The following ITGB4 variants were observed in gnomAD, a reference collection of about 807,000 sequenced individuals.
ITGB4 encodes the protein integrin subunit beta 4.
In ITGB4, 159 loss-of-function variants were observed where a neutral mutation model predicts 207.6. The observed-to-expected ratio is 0.77, with a 90% CI of 0.67 to 0.87. The LOEUF (loss-of-function observed/expected upper bound fraction) is 0.87. ITGB4 is among the 40% of genes least tolerant of loss of function. The probability of loss-of-function intolerance (pLI) is 0.00; values close to 1 mark genes in which losing one functional copy is unlikely to be tolerated. For missense variants in ITGB4, 2,278 were observed against 2,546.8 expected (o/e 0.89, Z 2.27); for synonymous variants, 1,020 against 1,062.7 (o/e 0.96, Z 0.78).
chr17:75,754,645 C>A lies in ITGB4; in HGVS notation c.4388C>A (p.Thr1463Lys), dbSNP rs372323678. Reference protein sequence around the residue: ...GSTNSLHRMTTTSAAAYGTHL... With the variant: ...GSTNSLHRMTKTSAAAYGTHL... ...ACCAACTCCCTGCACAGGATGACCA[C>A]GACCAGTGCTGCTGCCTATGGCACC... is the stretch of plus-strand genomic sequence containing the variant. The change falls in exon 34 of 40, where the codon ACG becomes AAG. Residue 1463 changes from threonine (T) to lysine (K), a missense_variant. Thr to Lys is a moderately conservative substitution (Grantham distance 78). Transcript: ENST00000200181. 6.2e-7 allele frequency: 1 copy of A among 1,613,936 alleles called. No individual in the cohort carries two copies.
chr17:75,736,645 G>A lies in ITGB4; in HGVS notation c.1941G>A (p.Thr647=), dbSNP rs752631345. Residue 647 remains threonine (T), a synonymous_variant, in exon 16 of 40, where the codon ACG becomes ACA. Coordinates refer to ENST00000200181, the MANE Select transcript of ITGB4 (RefSeq NM_000213.5). ...AWGTGEKKGR[T]CEECNFKVKM... ...GCACCGGCGAGAAGAAGGGGCGCAC[G>A]TGTGAGGAATGCAACTTCAAGGTCA... 1.0e-5 allele frequency: 16 copies of A among 1,600,378 alleles called. No individual in the cohort carries two copies. The highest frequency in any genetic ancestry group is 9.0e-5 in the East Asian group (4 of 44,446).
At position 75,750,638 on chromosome 17, in the gene ITGB4, C is replaced by G. The variant is rs1004965256; in HGVS notation, c.3475-42C>G. On this transcript the variant is annotated intron_variant, in intron 28 of 39. Coordinates refer to ENST00000200181, the MANE Select transcript of ITGB4 (RefSeq NM_000213.5). The surrounding 1 kb of genome is among the most constrained non-coding windows in gnomAD (Gnocchi z 5.5). ...GAGGAGGGACAGGCAGCTTGGGTGC[C>G]TGCTGCTCCCTGCTGACCAGGACCC... The G allele has an allele frequency of 6.3e-7, 1 of 1,588,208 alleles. No homozygotes were observed. The highest frequency in any genetic ancestry group is 1.3e-5 in the African/African-American group (1 of 74,388).
intron 1 of ITGB4, among the ~76,000 whole-genome samples, chr17:75,723,391 C>A (rs1280550327): frequency 1.3e-5 from 2 of 152,224 alleles, no homozygotes; most frequent in African/African-American, 4.8e-5. Context: ...CAGGCCTGTA[C>A]CTGCCTGTGT....
At position 75,737,439 on chromosome 17, in the gene ITGB4, A is replaced by G. The variant is rs56119997; in HGVS notation, c.2108A>G (p.Lys703Arg). ...GPNSTVLVHK[K>R]KDCPPGSFWW... Reference sequence around the variant, plus strand: ...AACAGCACTGTCCTGGTGCACAAGAAGAAGGGTGAGCTGGTGGGGCCGGGC... The same window carrying G: ...AACAGCACTGTCCTGGTGCACAAGAGGAAGGGTGAGCTGGTGGGGCCGGGC... The change falls in exon 17 of 40, where the codon AAG becomes AGG. Residue 703 changes from lysine (K) to arginine (R), a missense_variant. Physicochemically the swap from Lys to Arg is conservative, Grantham distance 26. Coordinates refer to ENST00000200181, the MANE Select transcript of ITGB4 (RefSeq NM_000213.5). 4.3e-4 allele frequency: 674 copies of G among 1,554,642 alleles called. 2 individuals carry two copies. The East Asian group carries it at 0.014, about 32-fold the overall frequency.
rs2148477999 is a variant in ITGB4, at chr17:75,731,023, AG to A, written c.1092+62del. On this transcript the variant is annotated intron_variant, in intron 9 of 39. Transcript: ENST00000200181. The surrounding 1 kb of genome is among the most constrained non-coding windows in gnomAD (Gnocchi z 6.8). ...TTCTGGGGCAGGGCAGGAAGTGGGC[AG>A]GGTGGGCAAGAGGTGTCTTGGATCA... 2 of 1,508,834 alleles carry A rather than the reference AG, an allele frequency of 1.3e-6. No homozygotes were observed. The highest frequency in any genetic ancestry group is 2.3e-5 in the East Asian group (1 of 44,410). The allele number at this position is 1,508,834 out of a possible 1,614,324, so 93.5% of individuals were successfully genotyped here.
In ITGB4 at chr17:75,753,975, G is replaced by A; in HGVS notation, c.4318+1G>A. The A allele has an allele frequency of 1.6e-6, 2 of 1,245,916 alleles. No homozygotes were observed. The highest frequency in any genetic ancestry group is 3.2e-5 in the East Asian group (1 of 30,882). The allele number at this position is 1,245,916 out of a possible 1,614,324, so 77.2% of individuals were successfully genotyped here. On this transcript the variant is annotated splice_donor_variant, in intron 33 of 39. Transcript: ENST00000200181. LOFTEE classifies it high-confidence loss of function. ...AGTGCGACACCCGGGCCCCCCGGAG[G>A]TGACAGGCTCACCCGCCGCCCCCCG...
At position 75,729,412 on chromosome 17, in the gene ITGB4, C is replaced by T. The variant is rs1345948951; in HGVS notation, c.714C>T (p.Ala238=). The change falls in exon 7 of 40, where the codon GCC becomes GCT. Residue 238 remains alanine, a synonymous_variant. Transcript: ENST00000200181. The surrounding 1 kb of genome is among the most constrained non-coding windows in gnomAD (Gnocchi z 4.4). ...NLDAPEGGFD[A]ILQTAVCTRD... ...ATGCTCCTGAGGGCGGCTTCGATGC[C>T]ATCCTGCAGACAGCTGTGTGCACGG... is the stretch of plus-strand genomic sequence containing the variant. 1 of 1,614,122 alleles carries T rather than the reference C, an allele frequency of 6.2e-7. No homozygotes were observed. Among genetic ancestry groups the T allele is most frequent in the Non-Finnish European group, 8.5e-7 (1 of 1,179,990 alleles).
At chr17:75,728,623 C>T in intron 6 of ITGB4, 150 bp downstream of exon 6, 1 of 688,582 alleles carries the variant, frequency 1.5e-6, no homozygotes, top group Non-Finnish European at 2.6e-6. Context: ...CCAGGGCGGG[C>T]AGATCACCTG....
In ITGB4 at chr17:75,755,706, C is replaced by T. The variant is rs772482963; in HGVS notation, c.4564C>T (p.Arg1522Cys). 1.3e-5 allele frequency: 21 copies of T among 1,612,854 alleles called. No homozygotes were observed. The highest frequency in any genetic ancestry group is 5.0e-5 in the Admixed American group (3 of 60,000). ...TLTSVSSHDS[R>C]LTAGVPDTPT... ...CTGCGGCCTCCTGTCCCCAGACTCT[C>T]GCCTGACTGCTGGTGTGCCCGACAC... is the stretch of plus-strand genomic sequence containing the variant. Residue 1522 changes from arginine (R) to cysteine (C), a missense_variant, in exon 35 of 40, where the codon CGC becomes TGC. Arg to Cys is a radical substitution (Grantham distance 180). Transcript: ENST00000200181.
intron 18 of ITGB4, among the ~76,000 whole-genome samples, chr17:75,738,058 C>A (rs2061022541): frequency 6.6e-6 from 1 of 152,212 alleles, no homozygotes; most frequent in Non-Finnish European, 1.5e-5. Flanking sequence ...TGACCTTGGG[C>A]AAATTACTTA....
intron 26 of ITGB4, chr17:75,746,512 T>A (rs1424229786): frequency 6.7e-6 from 1 of 150,198 alleles, no homozygotes; most frequent in Non-Finnish European, 1.5e-5. Flanking sequence ...ATTACAGGCA[T>A]CAGCCACCGC....
chr17:75,757,127 T>C lies in ITGB4; in HGVS notation c.5218+20T>C, dbSNP rs769317659. On this transcript the variant is annotated intron_variant, in intron 38 of 39. Coordinates refer to ENST00000200181, the MANE Select transcript of ITGB4 (RefSeq NM_000213.5). ...ATGGAGGTAGGCACCTGTCCTTTCC[T>C]TCACCCCCACCCCTCCTCGGGCCGT... 9 of 1,612,546 alleles carry C rather than the reference T, an allele frequency of 5.6e-6. 1 individual carries two copies. In the South Asian group the frequency reaches 9.9e-5, roughly 18 times the overall value.
rs1568365005 is a variant in ITGB4, at chr17:75,741,102, C to A, written c.2633+97C>A. On this transcript the variant is annotated intron_variant, in intron 23 of 39. Coordinates refer to ENST00000200181, the MANE Select transcript of ITGB4 (RefSeq NM_000213.5). ...GTCCGTCCCTACTCCATCTCCATCC[C>A]ATAGGAAGGGAGGGTCAGATGTGTC... is the stretch of plus-strand genomic sequence containing the variant. 9 of 1,380,916 alleles carry A rather than the reference C, an allele frequency of 6.5e-6. No individual in the cohort carries two copies. The East Asian group carries it at 7.1e-5, about 11-fold the overall frequency. 85.5% of individuals were successfully genotyped at this position (1,380,916 alleles called of 1,614,324 possible). A position where few individuals can be genotyped will look rare whatever the true frequency, so the allele number is the denominator to read the frequency against.
At position 75,724,783 on chromosome 17, in the gene ITGB4, G is replaced by A; in HGVS notation, c.79+1G>A. 6.2e-7 allele frequency: 1 copy of A among 1,612,954 alleles called. No homozygotes were observed. Among genetic ancestry groups the A allele is most frequent in the Non-Finnish European group, 8.5e-7 (1 of 1,179,472 alleles). On this transcript the variant is annotated splice_donor_variant, in intron 2 of 39. Coordinates refer to ENST00000200181, the MANE Select transcript of ITGB4 (RefSeq NM_000213.5). LOFTEE classifies it high-confidence loss of function. Reference sequence around the variant, plus strand: ...AGCGTCAGCCTCTCTGGGACCTTGGGTGAGTCCACGTTGCCCTGCAGCCCC... The same window carrying A: ...AGCGTCAGCCTCTCTGGGACCTTGGATGAGTCCACGTTGCCCTGCAGCCCC...
In ITGB4 at chr17:75,731,304, A is replaced by G; in HGVS notation, c.1151A>G (p.Glu384Gly). 6.2e-7 allele frequency: 1 copy of G among 1,613,458 alleles called. No individual in the cohort carries two copies. The highest frequency in any genetic ancestry group is 8.5e-7 in the Non-Finnish European group (1 of 1,179,980). The change falls in exon 10 of 40, where the codon GAG becomes GGG. Residue 384 changes from glutamate (E) to glycine (G), a missense_variant. By Grantham distance (98) the Glu-to-Gly change is moderately conservative. Transcript: ENST00000200181. This position sits in a 1 kb window ranked among gnomAD's most constrained non-coding sequence, Gnocchi z 6.8. Reference protein sequence around the residue: ...ALDSPRGLRTEVTSKMFQKTR... With the variant: ...ALDSPRGLRTGVTSKMFQKTR... ...GACAGCCCCCGAGGCCTTCGGACAG[A>G]GGTCACCTCCAAGATGTTCCAGAAG... is the stretch of plus-strand genomic sequence containing the variant.
At position 75,732,131 on chromosome 17, in the gene ITGB4, G is replaced by C. The variant is rs758783855; in HGVS notation, c.1378-32G>C. ...CCAGTGGCCCCGGTCCTGCTCCCCC[G>C]ACGCACCCCACCATGGTCTCTCTCA... On this transcript the variant is annotated intron_variant, in intron 11 of 39. Transcript: ENST00000200181. This position sits in a 1 kb window ranked among gnomAD's most constrained non-coding sequence, Gnocchi z 5.3. The C allele has an allele frequency of 2.5e-6, 4 of 1,613,248 alleles. No individual in the cohort carries two copies. Among genetic ancestry groups the C allele is most frequent in the Non-Finnish European group, 3.4e-6 (4 of 1,179,552 alleles).
At position 75,742,188 on chromosome 17, in the gene ITGB4, G is replaced by T. The variant is rs1340466267; in HGVS notation, c.2634-153G>T. ...CTGCAGGGTAAAGGGTATGGGGCTG[G>T]CATAGGCCTGGAGCACTGCCTGCCT... On this transcript the variant is annotated intron_variant, in intron 23 of 39. Coordinates refer to ENST00000200181, the MANE Select transcript of ITGB4 (RefSeq NM_000213.5). The surrounding 1 kb of genome is among the most constrained non-coding windows in gnomAD (Gnocchi z 5.9). Among the ~76,000 whole-genome samples the T allele has an allele frequency of 6.6e-6, 1 of 152,270 alleles. No individual in the cohort carries two copies. The highest frequency in any genetic ancestry group is 1.5e-5 in the Non-Finnish European group (1 of 68,042).
chr17:75,737,539 C>G lies in ITGB4; in HGVS notation c.2115C>G (p.Asp705Glu), dbSNP rs62639300. 6.4e-7 allele frequency: 1 copy of G among 1,572,890 alleles called. No homozygotes were observed. Among genetic ancestry groups the G allele is most frequent in the Non-Finnish European group, 8.6e-7 (1 of 1,159,752 alleles). The change falls in exon 18 of 40, where the codon GAC (aspartate) becomes GAG (glutamate). Residue 705 changes from aspartate to glutamate, a missense_variant and splice_region_variant. Asp to Glu is a conservative substitution (Grantham distance 45). Coordinates refer to ENST00000200181, the MANE Select transcript of ITGB4 (RefSeq NM_000213.5). ...NSTVLVHKKKDCPPGSFWWLI... is the reference protein window; with the variant it reads ...NSTVLVHKKKECPPGSFWWLI... ...CTCCCCCTGCCTCCTCCTCTCCAGA[C>G]TGCCCTCCGGGCTCCTTCTGGTGGC...
Position 75,736,559 on chromosome 17 carries a change from G to T in ITGB4, c.1861-6G>T, listed in dbSNP as rs750085351. On this transcript the variant is annotated splice_region_variant and splice_polypyrimidine_tract_variant and intron_variant, in intron 15 of 39. Transcript: ENST00000200181. ...GTGCCTGTCTGCCCCGCCTTTCCCC[G>T]CCAAGATCCACCCGGGCCTCTGCGA... 1.3e-6 allele frequency: 2 copies of T among 1,595,496 alleles called. No individual in the cohort carries two copies. The highest frequency in any genetic ancestry group is 2.3e-5 in the South Asian group (2 of 88,378).
Sources: allele counts gnomAD v4.1 joint callset (sites outside exome capture counted in the v4.1 genomes callset), GRCh38; gene constraint gnomAD v4.1.1; non-coding constraint Gnocchi (gnomAD v3.1); transcripts MANE v1.5; gene names NCBI Gene and HGNC (gene_info 2026-07-23, HGNC 2026-07-21).